Variants in SLC26A4 observed in about 807,000 individuals in gnomAD.
SLC26A4 encodes the protein pendrin.
Under a neutral mutation model 90.4 loss-of-function variants are expected in SLC26A4, and 93 were observed. That is an observed-to-expected ratio of 1.03 (90% CI 0.87 to 1.22). The LOEUF (loss-of-function observed/expected upper bound fraction) is 1.22. Among genes scored for constraint, SLC26A4 ranks in the 50% most tolerant of loss-of-function variants. The pLI is 0.00. For missense variants in SLC26A4, 1,127 were observed against 946.2 expected, an observed-to-expected ratio of 1.19 and a Z score of -2.51; for synonymous variants, 393 against 354.6, an observed-to-expected ratio of 1.11 and a Z score of -1.22.
At chr7:107,662,711 G>C (rs564642419) in intron 2 of SLC26A4, among the ~76,000 whole-genome samples, 1 of 151,982 alleles carries the variant, frequency 6.6e-6, no homozygotes, top group Non-Finnish European at 1.5e-5. Flanking sequence ...ATGTCCAATC[G>C]TCCCATAAAT....
At chr7:107,710,223 A>T (rs778630806) in intron 19 of SLC26A4, 24 bp downstream of exon 19, 28 of 1,503,754 alleles carry the variant, frequency 1.9e-5, no homozygotes, top group Non-Finnish European at 2.5e-5. Flanking sequence ...CTTTCTACAG[A>T]TGTATCTTTT....
intron 6 of SLC26A4, among the ~76,000 whole-genome samples, chr7:107,682,178 C>T (rs1435800024): frequency 7.0e-6 from 1 of 143,768 alleles, no homozygotes. Context: ...AAATTAAGTA[C>T]CAAATTTATT....
In SLC26A4 at chr7:107,712,619, T is replaced by C. The variant is rs2129320425; in HGVS notation, c.2316T>C (p.Asp772=). The C allele has an allele frequency of 6.7e-7, 1 of 1,503,176 alleles. No homozygotes were observed. Among genetic ancestry groups the C allele is most frequent in the Non-Finnish European group, 9.3e-7 (1 of 1,078,996 alleles). 93.1% of individuals were successfully genotyped at this position (1,503,176 alleles called of 1,614,324 possible). Residue 772 remains aspartate (D), a synonymous_variant, in exon 20 of 21, where the codon GAT becomes GAC. Transcript: ENST00000644269. ...CGGAAGAAGAACTTGATGTCCAGGA[T>C]GAGGTATGATCATTTTCTTCTGAAG... ...ELTEEELDVQ[D]EAMRTLAS
intron 6 of SLC26A4, among the ~76,000 whole-genome samples, 163 bp from the exon 7 acceptor site, chr7:107,683,039 C>T (rs1186439401): frequency 6.6e-6 from 1 of 152,090 alleles, no homozygotes; most frequent in Non-Finnish European, 1.5e-5. Context: ...TCAACCAACA[C>T]ATTTTTATCA....
At chr7:107,696,334 G>T (rs1167796490) in intron 13 of SLC26A4, among the ~76,000 whole-genome samples, 1 of 152,200 alleles carries the variant, frequency 6.6e-6, no homozygotes, top group Non-Finnish European at 1.5e-5. Flanking sequence ...TTGAACCTAT[G>T]TACCTACTCA....
At chr7:107,670,531 T>A (rs1455821918) in intron 3 of SLC26A4, among the ~76,000 whole-genome samples, 1 of 152,188 alleles carries the variant, frequency 6.6e-6, no homozygotes, top group South Asian at 2.1e-4. Flanking sequence ...TCCCTCTTAC[T>A]TCACATCTCT....
At chr7:107,669,442 G>C (rs563427653) in intron 3 of SLC26A4, among the ~76,000 whole-genome samples, 1 of 152,268 alleles carries the variant, frequency 6.6e-6, no homozygotes, top group Admixed American at 6.5e-5. Flanking sequence ...ATGGAAGTTT[G>C]AGAAGGACTT....
intron 10 of SLC26A4, among the ~76,000 whole-genome samples, chr7:107,692,605 G>T (rs1355767416): frequency 1.3e-5 from 2 of 152,174 alleles, no homozygotes; most frequent in Non-Finnish European, 1.5e-5. Flanking sequence ...GGAAGAATGA[G>T]TATTGGTGGA....
At chr7:107,687,528 C>A (rs1276746691) in intron 8 of SLC26A4, among the ~76,000 whole-genome samples, 1 of 152,048 alleles carries the variant, frequency 6.6e-6, no homozygotes, top group Non-Finnish European at 1.5e-5. Flanking sequence ...ATATATAGTC[C>A]CCATTTGACA....
At chr7:107,709,255 G>A (rs927855729) in intron 18 of SLC26A4, among the ~76,000 whole-genome samples, 1 of 152,154 alleles carries the variant, frequency 6.6e-6, no homozygotes, top group African/African-American at 2.4e-5. Flanking sequence ...GTGTGGGGAT[G>A]AAACCTCCCA....
At chr7:107,705,633 C>G (rs969928964) in intron 18 of SLC26A4, among the ~76,000 whole-genome samples, 3 of 115,576 alleles carry the variant, frequency 2.6e-5, no homozygotes, top group African/African-American at 1.1e-4. Context: ...ATCTAGCATT[C>G]CATGACTGGT....
rs121908362 is a variant in SLC26A4, at chr7:107,710,132, A to G, written c.2168A>G (p.His723Arg). 105 of 1,609,094 alleles carry G rather than the reference A, an allele frequency of 6.5e-5. No homozygotes were observed. In the East Asian group the frequency reaches 2.3e-3, roughly 35 times the overall value. The change falls in exon 19 of 21, where the codon CAT becomes CGT. Residue 723 changes from histidine (H) to arginine (R), a missense_variant. Coordinates refer to ENST00000644269, the MANE Select transcript of SLC26A4 (RefSeq NM_000441.2). Reference sequence around the variant, plus strand: ...AAGGACACATTCTTTTTGACGGTCCATGATGCTATACTCTATCTACAGAAC... The same window carrying G: ...AAGGACACATTCTTTTTGACGGTCCGTGATGCTATACTCTATCTACAGAAC... ...IRKDTFFLTVHDAILYLQNQV... is the reference protein window; with the variant it reads ...IRKDTFFLTVRDAILYLQNQV...
intron 6 of SLC26A4, among the ~76,000 whole-genome samples, chr7:107,682,117 AAAAAAAAAAAAAATT>A (rs1791253196): frequency 7.0e-6 from 1 of 142,058 alleles, no homozygotes; most frequent in Non-Finnish European, 1.5e-5. Flanking sequence ...AAAAAAAAAA[AAAAAAAAAAAAAATT>A]TTTTTTATGT....
rs894447840 is a variant in SLC26A4, at chr7:107,661,906, C to T, written c.164+101C>T. 6.3e-5 allele frequency: 84 copies of T among 1,338,450 alleles called. No homozygotes were observed. The highest frequency in any genetic ancestry group is 8.3e-5 in the Non-Finnish European group (83 of 1,002,022). The allele number at this position is 1,338,450 out of a possible 1,614,324, so 82.9% of individuals were successfully genotyped here. A position where few individuals can be genotyped will look rare whatever the true frequency, so the allele number is the denominator to read the frequency against. On this transcript the variant is annotated intron_variant, in intron 2 of 20. Coordinates refer to ENST00000644269, the MANE Select transcript of SLC26A4 (RefSeq NM_000441.2). The surrounding 1 kb of genome is among the most constrained non-coding windows in gnomAD (Gnocchi z 5.1). The stretch of plus-strand genomic sequence containing the variant: ...GCGGGCGAGAGTGGGGTGCGGGCGG[C>T]GGAGCCCCTGGGCGCCAGCTGCTTC...
intron 4 of SLC26A4, 72 bp from the exon 5 acceptor site, chr7:107,674,092 T>A (rs867536590): frequency 1.3e-5 from 18 of 1,425,498 alleles, no homozygotes; most frequent in South Asian, 6.9e-5. Flanking sequence ...ATACATTTTT[T>A]AAACCCTATG....
intron 8 of SLC26A4, among the ~76,000 whole-genome samples, chr7:107,684,060 T>A (rs1350385306): frequency 2.0e-5 from 3 of 152,222 alleles, no homozygotes; most frequent in Non-Finnish European, 4.4e-5. Flanking sequence ...CCTTCATTCA[T>A]CTCTGTCACC....
chr7:107,681,351 G>C (rs1791224414), intron 6 of SLC26A4, among the ~76,000 whole-genome samples: 2 of 152,074 alleles, frequency 1.3e-5, no homozygotes, highest in South Asian at 4.2e-4. Context: ...CCAGAGAGCT[G>C]AGGTTGCTGG....
intron 6 of SLC26A4, among the ~76,000 whole-genome samples, chr7:107,678,806 C>G (rs991456941): frequency 6.6e-6 from 1 of 151,478 alleles, no homozygotes; most frequent in Admixed American, 6.6e-5. Flanking sequence ...AGTCTCTGAA[C>G]AGAGAATTTT....
intron 3 of SLC26A4, among the ~76,000 whole-genome samples, chr7:107,664,971 G>A (rs552950292): frequency 7.4e-4 from 112 of 152,302 alleles, no homozygotes; most frequent in African/African-American, 2.6e-3. Context: ...CTGCTTCCAA[G>A]GAACTCATAG....
Sources: allele counts gnomAD v4.1 joint callset (sites outside exome capture counted in the v4.1 genomes callset), GRCh38; gene constraint gnomAD v4.1.1; non-coding constraint Gnocchi (gnomAD v3.1); transcripts MANE v1.5; gene names NCBI Gene and HGNC (gene_info 2026-07-23, HGNC 2026-07-21).